Variants in SYNPR observed in about 807,000 individuals in gnomAD.
SYNPR encodes the protein synaptoporin.
SYNPR carries 23 observed loss-of-function variants against 32.9 expected under a neutral mutation model. That is an observed-to-expected ratio of 0.70 (90% CI 0.50 to 0.99). SYNPR has a LOEUF of 0.99. Ranked by LOEUF, SYNPR falls within the 50% of genes least tolerant of loss-of-function variation. SYNPR has a pLI of 0.00. For missense variants in SYNPR, 318 were observed against 349.3 expected, an observed-to-expected ratio of 0.91 and a Z score of 0.71; for synonymous variants, 146 against 135.9, an observed-to-expected ratio of 1.07 and a Z score of -0.52.
chr3:63,460,095 C>T (rs1559505693), intron 2 of SYNPR, among the ~76,000 whole-genome samples: 2 of 152,072 alleles, frequency 1.3e-5, no homozygotes, highest in African/African-American at 2.4e-5. Flanking sequence ...ACATAGCAAC[C>T]AGAGAGGTCA....
the SYNPR span, among the ~76,000 whole-genome samples, chr3:63,201,897 CT>C: frequency 1.3e-5 from 2 of 152,030 alleles, no homozygotes; most frequent in East Asian, 1.9e-4. Flanking sequence ...CCCTTCCCCC[CT>C]TTTTTTCTAC....
chr3:63,446,468 G>A (rs1700278838), intron 2 of SYNPR, among the ~76,000 whole-genome samples: 1 of 151,990 alleles, frequency 6.6e-6, no homozygotes, highest in African/African-American at 2.4e-5. Context: ...CTTTGCACCT[G>A]AGCAGTGGGC....
intron 2 of SYNPR, among the ~76,000 whole-genome samples, chr3:63,464,105 A>T (rs1487997961): frequency 6.6e-6 from 1 of 152,214 alleles, no homozygotes; most frequent in Non-Finnish European, 1.5e-5. Context: ...CAACAAATTA[A>T]TATTAAATGC....
chr3:63,348,981 C>T (rs2087471872), intron 2 of SYNPR, among the ~76,000 whole-genome samples: 1 of 152,058 alleles, frequency 6.6e-6, no homozygotes, highest in Non-Finnish European at 1.5e-5. Flanking sequence ...CTTAGGATTG[C>T]TTTGACTTTT....
intron 3 of SYNPR, among the ~76,000 whole-genome samples, chr3:63,551,394 G>T (rs543415185): frequency 6.6e-6 from 1 of 152,120 alleles, no homozygotes; most frequent in East Asian, 1.9e-4. Flanking sequence ...ACAAGATTTT[G>T]TGTAGACAAA....
chr3:63,353,693 G>A (rs1156923704), intron 2 of SYNPR, among the ~76,000 whole-genome samples: 1 of 152,126 alleles, frequency 6.6e-6, no homozygotes, highest in African/African-American at 2.4e-5. Flanking sequence ...TAAAACTTAA[G>A]TTTTACATCG....
At chr3:63,361,983 A>G (rs534170323) in intron 2 of SYNPR, among the ~76,000 whole-genome samples, 16 of 152,354 alleles carry the variant, frequency 1.1e-4, no homozygotes, top group African/African-American at 2.9e-4. Context: ...TTAATTAATT[A>G]TAGAAGGAAT....
At chr3:63,300,583 C>G (rs748708700) in intron 2 of SYNPR, among the ~76,000 whole-genome samples, 1 of 152,036 alleles carries the variant, frequency 6.6e-6, no homozygotes, top group Non-Finnish European at 1.5e-5. Flanking sequence ...AGTCCCTGCT[C>G]TAGAGAATTG....
intron 2 of SYNPR, among the ~76,000 whole-genome samples, chr3:63,418,652 C>T (rs2088571383): frequency 6.6e-6 from 1 of 152,166 alleles, no homozygotes; most frequent in South Asian, 2.1e-4. Context: ...GAGGAACAAG[C>T]CACGTCTTAC....
intron 2 of SYNPR, among the ~76,000 whole-genome samples, chr3:63,320,188 T>A (rs560308368): frequency 3.7e-4 from 56 of 152,024 alleles, no homozygotes; most frequent in Non-Finnish European, 5.3e-4. Context: ...TGGGCTCAAG[T>A]GATCCTCCTG....
chr3:63,483,876 T>C (rs1487786315), intron 3 of SYNPR, among the ~76,000 whole-genome samples: 1 of 152,236 alleles, frequency 6.6e-6, no homozygotes, highest in Non-Finnish European at 1.5e-5. Context: ...CCAATGCCAA[T>C]GATTTGATGA....
intron 3 of SYNPR, among the ~76,000 whole-genome samples, chr3:63,481,440 T>C (rs1030137769): frequency 7.4e-6 from 1 of 135,386 alleles, no homozygotes; most frequent in Non-Finnish European, 1.6e-5. Flanking sequence ...TAAGTGTATA[T>C]ATATATATAT....
chr3:63,534,597 G>T (rs1282261844), intron 3 of SYNPR, among the ~76,000 whole-genome samples: 1 of 152,114 alleles, frequency 6.6e-6, no homozygotes, highest in Non-Finnish European at 1.5e-5. Flanking sequence ...AGTTAGTGTT[G>T]CTATAACAGA....
At chr3:63,303,320 G>C (rs1359626558) in intron 2 of SYNPR, among the ~76,000 whole-genome samples, 2 of 145,080 alleles carry the variant, frequency 1.4e-5, no homozygotes, top group African/African-American at 2.6e-5. Flanking sequence ...GAGTCTGTTT[G>C]TCAGAAGACC....
chr3:63,434,467 C>G (rs1434907240), intron 2 of SYNPR, among the ~76,000 whole-genome samples: 1 of 152,162 alleles, frequency 6.6e-6, no homozygotes, highest in Non-Finnish European at 1.5e-5. Context: ...GCTATGACAC[C>G]CCCCCTTCAT....
At chr3:63,210,289 T>C in the SYNPR span, among the ~76,000 whole-genome samples, 4,761 of 152,298 alleles carry the variant, frequency 0.031, 142 homozygotes, top group East Asian at 0.097. Flanking sequence ...GAAAAGCTAA[T>C]TTTAGTGGTT....
At chr3:63,508,474 A>G (rs987593315) in intron 3 of SYNPR, among the ~76,000 whole-genome samples, 1 of 152,154 alleles carries the variant, frequency 6.6e-6, no homozygotes, top group Non-Finnish European at 1.5e-5. Context: ...CTGGTGATGT[A>G]AAGTGACTCA....
chr3:63,203,771 C>T, the SYNPR span, among the ~76,000 whole-genome samples: 45 of 152,100 alleles, frequency 3.0e-4, no homozygotes, highest in Non-Finnish European at 5.1e-4. Context: ...CCAAGGTGGG[C>T]GGATCACCTG....
intron 3 of SYNPR, among the ~76,000 whole-genome samples, chr3:63,539,024 G>T (rs185956075): frequency 4.0e-4 from 61 of 152,188 alleles, no homozygotes; most frequent in Admixed American, 1.2e-3. Flanking sequence ...CACTTAACTA[G>T]ATTCCTGATT....
Sources: gnomAD v4.1 joint callset for allele counts (sites outside exome capture counted in the v4.1 genomes callset) on GRCh38, gnomAD v4.1.1 for gene constraint, MANE v1.5 for transcripts, NCBI Gene and HGNC (gene_info 2026-07-23, HGNC 2026-07-21) for gene names.